HTR2A: variants seen among roughly 807,000 people sequenced by gnomAD.
HTR2A encodes 5-hydroxytryptamine receptor 2A.
HTR2A carries 14 observed loss-of-function variants against 31.0 expected under a neutral mutation model. That is an observed-to-expected ratio of 0.45 (90% confidence interval 0.30 to 0.71). The LOEUF is 0.71. Among genes scored for constraint, HTR2A ranks in the 30% least tolerant of loss-of-function variants. HTR2A has a pLI of 0.09. For synonymous variants in HTR2A, 209 were observed against 225.2 expected (o/e 0.93, Z 0.64); for missense variants, 442 against 573.3 (o/e 0.77, Z 2.34).
intron 3 of HTR2A, among the ~76,000 whole-genome samples, chr13:46,868,398 A>G (rs1373586500): frequency 6.6e-6 from 1 of 152,242 alleles, no homozygotes; most frequent in African/African-American, 2.4e-5. Flanking sequence ...ATTGCCAAGA[A>G]CAAGTAAAAC....
chr13:46,856,825 A>G (rs1017528030), intron 3 of HTR2A, among the ~76,000 whole-genome samples: 1 of 152,180 alleles, frequency 6.6e-6, no homozygotes, highest in African/African-American at 2.4e-5. Context: ...ACTTGTCCAA[A>G]ACAGCCACAT....
At position 46,869,919 on chromosome 13, in the gene HTR2A, T is replaced by C. The variant is rs573547499; in HGVS notation, c.613+22471A>G. Among the ~76,000 whole-genome samples the C allele has an allele frequency of 3.3e-5, 5 of 152,172 alleles. No homozygotes were observed. In the South Asian group the frequency reaches 1.0e-3, roughly 32 times the overall value. On this transcript the variant is annotated intron_variant, in intron 3 of 3. Transcript: ENST00000542664. The stretch of plus-strand genomic sequence containing the variant: ...TGGGTTGGAAGGAGTGGGGAGTTAT[T>C]GCTTAATGGTTACAGAATTTGTTTG...
chr13:46,836,133 G>A (rs1400781666), intron 3 of HTR2A, among the ~76,000 whole-genome samples: 1 of 151,638 alleles, frequency 6.6e-6, no homozygotes, highest in Non-Finnish European at 1.5e-5. Flanking sequence ...CTTACCATGT[G>A]CACACATTTT....
intron 3 of HTR2A, among the ~76,000 whole-genome samples, chr13:46,868,863 C>T (rs1186242715): frequency 1.3e-5 from 2 of 152,044 alleles, no homozygotes; most frequent in Non-Finnish European, 2.9e-5. Context: ...TTAAAATATT[C>T]TTATTAAGAA....
intron 3 of HTR2A, among the ~76,000 whole-genome samples, chr13:46,840,460 T>C (rs1384576287): frequency 3.3e-5 from 5 of 152,188 alleles, no homozygotes; most frequent in African/African-American, 1.2e-4. Flanking sequence ...CAAGGTATTA[T>C]CACACATATT....
chr13:46,854,089 T>C (rs1950712621), intron 3 of HTR2A: 1 of 152,224 alleles, frequency 6.6e-6, no homozygotes, highest in Admixed American at 6.5e-5. Context: ...ATGGGTATTT[T>C]GCTTTGGAAT....
rs528664763 is a variant in HTR2A, at chr13:46,841,389, G to GA, written c.614-5751dup. 6.1e-3 allele frequency among the ~76,000 whole-genome samples: 932 copies of GA among 152,182 alleles called. 15 individuals are homozygous for GA. The highest frequency in any genetic ancestry group is 0.048 in the South Asian group (229 of 4,814). ...CCAGACATTAAATTCATTGAGGCCA[G>GA]AAAAATAGTTCAAAAATAAAATCCT... On this transcript the variant is annotated intron_variant, in intron 3 of 3. Transcript: ENST00000542664.
intron 3 of HTR2A, among the ~76,000 whole-genome samples, chr13:46,871,758 G>C (rs150974943): frequency 6.6e-6 from 1 of 152,118 alleles, no homozygotes; most frequent in Non-Finnish European, 1.5e-5. Flanking sequence ...ATGGCTCTGC[G>C]GGTCATGTGG....
chr13:46,849,368 C>A (rs1330753232), intron 3 of HTR2A, among the ~76,000 whole-genome samples: 1 of 152,190 alleles, frequency 6.6e-6, no homozygotes, highest in Non-Finnish European at 1.5e-5. Flanking sequence ...TTCCCCACTG[C>A]CCTCAAGGGG....
chr13:46,876,781 A>T (rs1288773402), intron 3 of HTR2A, among the ~76,000 whole-genome samples: 1 of 152,110 alleles, frequency 6.6e-6, no homozygotes, highest in Non-Finnish European at 1.5e-5. Context: ...TAGATGCTTT[A>T]TGTTCACTGA....
At position 46,868,770 on chromosome 13, in the gene HTR2A, C is replaced by T. The variant is rs567145776; in HGVS notation, c.613+23620G>A. ...CTCTATAAACTATATTCTATATTCA[C>T]CAGCTGCTTATATAATGTTATTTCT... On this transcript the variant is annotated intron_variant, in intron 3 of 3. Coordinates refer to ENST00000542664, the MANE Select transcript of HTR2A (RefSeq NM_000621.5). Among the ~76,000 whole-genome samples, 50 of 152,168 alleles carry T rather than the reference C, an allele frequency of 3.3e-4. 1 individual carries two copies. In the South Asian group the frequency reaches 0.01, roughly 32 times the overall value.
At chr13:46,873,430 A>ATTATTG (rs1211425428) in intron 3 of HTR2A, among the ~76,000 whole-genome samples, 1 of 25,816 alleles carries the variant, frequency 3.9e-5, no homozygotes, top group Non-Finnish European at 9.3e-5. Context: ...TATAAAATTT[A>ATTATTG]TTATTATTAT....
chr13:46,843,757 A>G (rs1422905743), intron 3 of HTR2A, among the ~76,000 whole-genome samples: 7 of 152,146 alleles, frequency 4.6e-5, no homozygotes, highest in African/African-American at 1.7e-4. Context: ...GAAATGCTAC[A>G]CCAATGAGTA....
chr13:46,863,630 G>GTAAAAAAAAAA (rs1950796722), intron 3 of HTR2A, among the ~76,000 whole-genome samples: 1 of 59,254 alleles, frequency 1.7e-5, no homozygotes, highest in Non-Finnish European at 2.9e-5. Context: ...CCCTCAAAAT[G>GTAAAAAAAAAA]AAAAAAAAAA....
intron 3 of HTR2A, among the ~76,000 whole-genome samples, chr13:46,857,869 C>G (rs1185947608): frequency 6.6e-6 from 1 of 152,172 alleles, no homozygotes; most frequent in African/African-American, 2.4e-5. Flanking sequence ...AGATTCACCT[C>G]TACCCTGAGG....
At chr13:46,876,715 C>T (rs1950917086) in intron 3 of HTR2A, among the ~76,000 whole-genome samples, 3 of 152,006 alleles carry the variant, frequency 2.0e-5, no homozygotes, top group South Asian at 4.2e-4. Context: ...CGTGCCTGTC[C>T]TTGATTCATA....
rs1029192862 is a variant in HTR2A, at chr13:46,834,560, A to G, written c.*277T>C. On this transcript the variant is annotated 3_prime_UTR_variant, in exon 4 of 4. Transcript: ENST00000542664. ...TAGATTTACTTAGGGCTTCATAATT[A>G]TACAATAAAAGTGAATCATTTTAAA... is the stretch of plus-strand genomic sequence containing the variant. The G allele has an allele frequency of 9.1e-5, 33 of 363,648 alleles. No homozygotes were observed. Among genetic ancestry groups the G allele is most frequent in the Non-Finnish European group, 4.9e-6 (1 of 202,276 alleles). The allele number at this position is 363,648 out of a possible 1,614,324, so 22.5% of individuals were successfully genotyped here.
Position 46,896,723 on chromosome 13 carries a change from G to T in HTR2A, c.-378C>A. 1 of 1,533,804 alleles carries T rather than the reference G, an allele frequency of 6.5e-7. No homozygotes were observed. Among genetic ancestry groups the T allele is most frequent in the East Asian group, 2.4e-5 (1 of 40,852 alleles). ...AGATACATTTGTTATTCTGTGACTC[G>T]CTGCATCTCTCACAGTAATTAAACT... On this transcript the variant is annotated 5_prime_UTR_variant, in exon 1 of 4. Transcript: ENST00000542664.
intron 3 of HTR2A, among the ~76,000 whole-genome samples, chr13:46,853,544 C>T (rs1179401297): frequency 6.6e-6 from 1 of 152,164 alleles, no homozygotes; most frequent in Non-Finnish European, 1.5e-5. Flanking sequence ...CCAAGTGTAT[C>T]AGGCTGTTTT....
Sources: allele counts gnomAD v4.1 joint callset (sites outside exome capture counted in the v4.1 genomes callset), GRCh38; gene constraint gnomAD v4.1.1; transcripts MANE v1.5; gene names NCBI Gene and HGNC (gene_info 2026-07-23, HGNC 2026-07-21).